The following CACNA2D4 variants were observed in gnomAD, a reference collection of about 807,000 sequenced individuals.
CACNA2D4 encodes calcium voltage-gated channel auxiliary subunit alpha2delta 4, also known as voltage-dependent calcium channel subunit alpha-2/delta-4.
Under a neutral mutation model 163.8 loss-of-function variants are expected in CACNA2D4, and 157 were observed. That is an observed-to-expected ratio of 0.96 (90% CI 0.84 to 1.09). The LOEUF (loss-of-function observed/expected upper bound fraction) is 1.09, where lower values mean the gene tolerates loss of function less well. Ranked by LOEUF, CACNA2D4 falls within the 50% of genes least tolerant of loss-of-function variation. The pLI, the probability that CACNA2D4 is intolerant of heterozygous loss-of-function variation, is 0.00. For missense variants in CACNA2D4, 1,410 were observed against 1,479.9 expected (o/e 0.95, Z 0.78); for synonymous variants, 598 against 586.9 (o/e 1.02, Z -0.27).
intron 23 of CACNA2D4, 62 bp from the exon 24 acceptor site, chr12:1,846,751 C>T: frequency 7.3e-7 from 1 of 1,376,288 alleles, no homozygotes; most frequent in Non-Finnish European, 1.0e-6. Context: ...TGGGGGCGAC[C>T]TGCAGGGGTT....
chr12:1,908,633 A>G (rs1866730803), intron 4 of CACNA2D4, among the ~76,000 whole-genome samples: 1 of 149,556 alleles, frequency 6.7e-6, no homozygotes, highest in Admixed American at 6.7e-5. Flanking sequence ...CCCCACGCCA[A>G]CTCCCACGCC....
chr12:1,844,670 C>T lies in CACNA2D4; in HGVS notation c.2343-141G>A. 3.6e-6 allele frequency: 3 copies of T among 827,160 alleles called. No homozygotes were observed. Among genetic ancestry groups the T allele is most frequent in the Non-Finnish European group, 5.6e-6 (3 of 539,832 alleles). 51.2% of individuals were successfully genotyped at this position (827,160 alleles called of 1,614,324 possible). Reference sequence around the variant, plus strand: ...ATTAGTACGGCCCCAGACAATGCTTCCCAGCAATTCTCGCCTTTTCCAGAA... The same window carrying T: ...ATTAGTACGGCCCCAGACAATGCTTTCCAGCAATTCTCGCCTTTTCCAGAA... On this transcript the variant is annotated intron_variant, in intron 24 of 37. Transcript: ENST00000382722. The surrounding 1 kb of genome is among the most constrained non-coding windows in gnomAD (Gnocchi z 4.2).
rs963989426 is a variant in CACNA2D4 at position 1,795,687 on chromosome 12, C to T, written c.3207G>A (p.Gln1069=). 12 of 1,612,232 alleles carry T rather than the reference C, an allele frequency of 7.4e-6. No individual in the cohort carries two copies. In the Admixed American group the frequency reaches 8.3e-5, roughly 11 times the overall value. Residue 1069 remains glutamine (Q), a synonymous_variant, in exon 36 of 38, where the codon CAG becomes CAA. Transcript: ENST00000382722. ...CDCSIFPPVL[Q]EATEVKYNAS... ...GGATATATTTGACTTCTGTCGCCTC[C>T]TGCAGCACTGGTGGGAAGATGCTGC...
intron 29 of CACNA2D4, among the ~76,000 whole-genome samples, chr12:1,808,282 C>G (rs1173518303): frequency 6.6e-6 from 1 of 152,192 alleles, no homozygotes; most frequent in East Asian, 1.9e-4. Flanking sequence ...AACTACAGCC[C>G]GTAGGCCAAG....
At chr12:1,800,766 T>G in intron 31 of CACNA2D4, 2 of 593,280 alleles carry the variant, frequency 3.4e-6, no homozygotes, top group Non-Finnish European at 3.0e-6. Context: ...TGTCAGGGGC[T>G]GAGGCTGGGG....
chr12:1,793,780 T>A, intron 37 of CACNA2D4, 21 bp from the exon 38 acceptor site: 1 of 1,603,886 alleles, frequency 6.2e-7, no homozygotes. Flanking sequence ...AGAGCAGAGG[T>A]GACAGCGCGG....
Position 1,828,005 on chromosome 12 carries a change from C to A in CACNA2D4, c.2551+12734G>T. ...GAGGAGTGTAAAGAGACACCCGGGCCCTCTCCCTAACCCCTGGGCTGGAAC... is the reference window on the plus strand; with the variant it reads ...GAGGAGTGTAAAGAGACACCCGGGCACTCTCCCTAACCCCTGGGCTGGAAC... On this transcript the variant is annotated intron_variant, in intron 26 of 37. Transcript: ENST00000382722. The surrounding 1 kb of genome is among the most constrained non-coding windows in gnomAD (Gnocchi z 4.2). The A allele has an allele frequency of 1.7e-6, 1 of 586,996 alleles. No individual in the cohort carries two copies. The highest frequency in any genetic ancestry group is 3.7e-5 in the Admixed American group (1 of 27,236). 36.4% of individuals were successfully genotyped at this position (586,996 alleles called of 1,614,324 possible). A position where few individuals can be genotyped will look rare whatever the true frequency, so the allele number is the denominator to read the frequency against.
intron 25 of CACNA2D4, 26 bp from the exon 26 acceptor site, chr12:1,840,845 A>C: frequency 1.2e-6 from 2 of 1,609,970 alleles, no homozygotes; most frequent in Non-Finnish European, 1.7e-6. Context: ...CAACCCAGTC[A>C]TGGGGAAGAG....
chr12:1,795,416 A>C, intron 36 of CACNA2D4, 35 bp from the exon 37 acceptor site: 1 of 1,581,390 alleles, frequency 6.3e-7, no homozygotes. Flanking sequence ...ATATCTCAGG[A>C]CCGGAGCCCA....
Position 1,828,386 on chromosome 12 carries a change from G to A in CACNA2D4, c.2551+12353C>T, listed in dbSNP as rs1864456513. 6.6e-6 allele frequency among the ~76,000 whole-genome samples: 1 copy of A among 152,226 alleles called. No homozygotes were observed. Among genetic ancestry groups the A allele is most frequent in the South Asian group, 2.1e-4 (1 of 4,828 alleles). On this transcript the variant is annotated intron_variant, in intron 26 of 37. Transcript: ENST00000382722. The surrounding 1 kb of genome is among the most constrained non-coding windows in gnomAD (Gnocchi z 4.2). ...CTGGGAAGCCAGGGTCACGCCCACG[G>A]TGACAGCATCCCTGCCAGTCAGAGT...
At chr12:1,865,771 G>A (rs1416782489) in intron 18 of CACNA2D4, among the ~76,000 whole-genome samples, 1 of 152,228 alleles carries the variant, frequency 6.6e-6, no homozygotes, top group Non-Finnish European at 1.5e-5. Context: ...GTTGCGGGGC[G>A]CTGGCCTGAA....
intron 18 of CACNA2D4, among the ~76,000 whole-genome samples, chr12:1,873,346 G>T (rs1865823160): frequency 6.6e-6 from 1 of 152,194 alleles, no homozygotes; most frequent in Non-Finnish European, 1.5e-5. Context: ...TAGTAGCAAT[G>T]AACAAACTTT....
rs571335379 is a variant in CACNA2D4, at chr12:1,871,814, T to G, written c.1878+2790A>C. 4.6e-5 allele frequency among the ~76,000 whole-genome samples: 7 copies of G among 152,346 alleles called. No individual in the cohort carries two copies. The East Asian group carries it at 1.3e-3, about 29-fold the overall frequency. ...CATGCGTGGACTCCAGTCAGTGCAG[T>G]TAATTTGGAAGAACCCAGAGGCTAG... On this transcript the variant is annotated intron_variant, in intron 18 of 37. Coordinates refer to ENST00000382722, the MANE Select transcript of CACNA2D4 (RefSeq NM_172364.5).
intron 26 of CACNA2D4, chr12:1,827,691 C>T (rs562788903): frequency 4.3e-4 from 67 of 155,396 alleles, no homozygotes; most frequent in South Asian, 6.1e-4. Flanking sequence ...CTGCTCACCT[C>T]GGAGAGATGA....
At chr12:1,895,045 G>C (rs1320414175) in intron 6 of CACNA2D4, among the ~76,000 whole-genome samples, 1 of 151,856 alleles carries the variant, frequency 6.6e-6, no homozygotes, top group African/African-American at 2.4e-5. Context: ...ACAGTTACAG[G>C]ATATAAAATC....
chr12:1,807,281 C>T lies in CACNA2D4; in HGVS notation c.2721+2997G>A, dbSNP rs924425287. On this transcript the variant is annotated intron_variant, in intron 29 of 37. Coordinates refer to ENST00000382722, the MANE Select transcript of CACNA2D4 (RefSeq NM_172364.5). ...CCCTGGAGGACCTCAATGCTGCCAA[C>T]GTGTGACCAGATGCAGATCCTTCTC... is the stretch of plus-strand genomic sequence containing the variant. 3.3e-5 allele frequency among the ~76,000 whole-genome samples: 5 copies of T among 151,760 alleles called. 1 individual carries two copies. In the South Asian group the frequency reaches 1.0e-3, roughly 32 times the overall value.
intron 7 of CACNA2D4, among the ~76,000 whole-genome samples, chr12:1,886,595 G>T (rs918009676): frequency 1.3e-5 from 2 of 152,182 alleles, no homozygotes; most frequent in Non-Finnish European, 2.9e-5. Flanking sequence ...AACAGGCCAG[G>T]TCAAGCCCTG....
intron 18 of CACNA2D4, among the ~76,000 whole-genome samples, chr12:1,870,764 G>C (rs1865752557): frequency 1.3e-5 from 2 of 152,062 alleles, no homozygotes; most frequent in South Asian, 4.2e-4. Context: ...GGGGGGTTGG[G>C]AGGGGGTCTG....
In CACNA2D4 at chr12:1,801,134, G is replaced by T. The variant is rs775477438; in HGVS notation, c.2793-16C>A. Reference sequence around the variant, plus strand: ...CATAGTCACTCTGAAAATCAGAAGCGGGCTGTGATGAGTCCAAAGCCACCC... The same window carrying T: ...CATAGTCACTCTGAAAATCAGAAGCTGGCTGTGATGAGTCCAAAGCCACCC... On this transcript the variant is annotated splice_polypyrimidine_tract_variant and intron_variant, in intron 30 of 37. Transcript: ENST00000382722. 1.2e-6 allele frequency: 2 copies of T among 1,612,022 alleles called. No homozygotes were observed. The highest frequency in any genetic ancestry group is 2.2e-5 in the East Asian group (1 of 44,874).
Sources: allele counts gnomAD v4.1 joint callset (sites outside exome capture counted in the v4.1 genomes callset), GRCh38; gene constraint gnomAD v4.1.1; non-coding constraint Gnocchi (gnomAD v3.1); transcripts MANE v1.5; gene names NCBI Gene and HGNC (gene_info 2026-07-23, HGNC 2026-07-21).